Variants in TTC39B observed in about 807,000 individuals in gnomAD.
The protein encoded by TTC39B is tetratricopeptide repeat domain 39B.
Under a neutral mutation model 96.6 loss-of-function variants are expected in TTC39B, and 92 were observed. The observed-to-expected ratio is 0.95, with a 90% CI of 0.80 to 1.13. The LOEUF (loss-of-function observed/expected upper bound fraction) is 1.13. Among genes scored for constraint, TTC39B ranks in the 50% most tolerant of loss-of-function variants. TTC39B has a pLI of 0.00. For missense variants in TTC39B, 955 were observed against 809.3 expected (o/e 1.18, Z -2.18); for synonymous variants, 367 against 299.4 (o/e 1.23, Z -2.33).
chr9:15,297,958 G>A (rs111571902), intron 1 of TTC39B, among the ~76,000 whole-genome samples: 2 of 152,166 alleles, frequency 1.3e-5, no homozygotes, highest in Non-Finnish European at 2.9e-5. Flanking sequence ...GTATGTCTGG[G>A]AGAGTGTTTC....
rs1320971802 is a variant in TTC39B at position 15,306,533 on chromosome 9, CT to C, written c.240+550del. On this transcript the variant is annotated intron_variant, in intron 1 of 19. Coordinates refer to ENST00000512701, the Ensembl canonical transcript of TTC39B. This position sits in a 1 kb window ranked among gnomAD's most constrained non-coding sequence, Gnocchi z 5.1. ...GGCTCTAGCCCTCCAGCCCCAGCCC[CT>C]GGCAGCCCTGCCCTGCTGTCGCGGC... is the stretch of plus-strand genomic sequence containing the variant. Among the ~76,000 whole-genome samples the C allele has an allele frequency of 1.3e-5, 2 of 152,234 alleles. No homozygotes were observed. Among genetic ancestry groups the C allele is most frequent in the Non-Finnish European group, 2.9e-5 (2 of 68,032 alleles).
chr9:15,256,950 C>G (rs1822772708), intron 2 of TTC39B, among the ~76,000 whole-genome samples: 1 of 152,134 alleles, frequency 6.6e-6, no homozygotes, highest in South Asian at 2.1e-4. Context: ...TTTAAGCAAG[C>G]AGTGACATCA....
chr9:15,292,359 T>C (rs1222933043), intron 1 of TTC39B, among the ~76,000 whole-genome samples: 4 of 152,188 alleles, frequency 2.6e-5, no homozygotes, highest in Non-Finnish European at 4.4e-5. Flanking sequence ...ACCTACATAT[T>C]TGTGGTGATG....
chr9:15,270,032 G>C (rs867720288), intron 1 of TTC39B, among the ~76,000 whole-genome samples: 10 of 152,048 alleles, frequency 6.6e-5, no homozygotes, highest in Admixed American at 6.5e-5. Context: ...AGCCAGGCAT[G>C]GTGGTGCATT....
At chr9:15,218,482 G>A (rs1188400258) in intron 3 of TTC39B, among the ~76,000 whole-genome samples, 2 of 151,990 alleles carry the variant, frequency 1.3e-5, no homozygotes, top group African/African-American at 4.8e-5. Flanking sequence ...CAAAAACTGT[G>A]GTGCTCAGCC....
chr9:15,191,358 A>G, intron 9 of TTC39B, 103 bp from the exon 10 acceptor site: 1 of 733,450 alleles, frequency 1.4e-6, no homozygotes, highest in Non-Finnish European at 2.2e-6. Context: ...AACATGAGAA[A>G]TTGGGAACAA....
rs1817988623 is a variant in TTC39B at position 15,177,210 on chromosome 9, G to A, written c.1841+487C>T. Among the ~76,000 whole-genome samples, 2 of 152,106 alleles carry A rather than the reference G, an allele frequency of 1.3e-5. 1 individual carries two copies. Among genetic ancestry groups the A allele is most frequent in the South Asian group, 4.2e-4 (2 of 4,812 alleles). On this transcript the variant is annotated intron_variant, in intron 18 of 19. Coordinates refer to ENST00000512701, the Ensembl canonical transcript of TTC39B. ...AAGCCAGGCATAGTAGTGCACACTT[G>A]TAGTCCCAGCTACTCAAGAGGCTAA...
At chr9:15,299,520 C>A (rs1380432534) in intron 1 of TTC39B, among the ~76,000 whole-genome samples, 1 of 152,044 alleles carries the variant, frequency 6.6e-6, no homozygotes, top group Non-Finnish European at 1.5e-5. Flanking sequence ...CACAGATCCA[C>A]GAAGCACAGG....
At chr9:15,304,979 G>A (rs1038879813) in intron 1 of TTC39B, among the ~76,000 whole-genome samples, 32 of 152,184 alleles carry the variant, frequency 2.1e-4, no homozygotes, top group Non-Finnish European at 2.4e-4. Flanking sequence ...AACTCCCCCA[G>A]AATATCAAAT....
rs769302939 is a variant in TTC39B, at chr9:15,192,642, A to C, written c.878T>G (p.Phe293Cys). The C allele has an allele frequency of 1.9e-6, 3 of 1,614,058 alleles. No individual in the cohort carries two copies. The South Asian group carries it at 3.3e-5, about 18-fold the overall frequency. The change falls in exon 9 of 20, where the codon TTC (phenylalanine) becomes TGC (cysteine). Residue 293 changes from phenylalanine (F) to cysteine (C), a missense_variant. Phe to Cys is a radical substitution (Grantham distance 205). Transcript: ENST00000512701. Reference sequence around the variant, plus strand: ...GACACCCCCTTCAAACTCATAGAAGAATTCCTGCTGAAGTTTGTTCTTCTG... The same window carrying C: ...GACACCCCCTTCAAACTCATAGAAGCATTCCTGCTGAAGTTTGTTCTTCTG...
intron 8 of TTC39B, among the ~76,000 whole-genome samples, chr9:15,194,997 C>A (rs1324756156): frequency 6.6e-6 from 1 of 152,168 alleles, no homozygotes; most frequent in Admixed American, 6.5e-5. Context: ...CATTTGAAAT[C>A]AAAAACTAGA....
intron 1 of TTC39B, among the ~76,000 whole-genome samples, chr9:15,304,099 T>C (rs2131627562): frequency 6.6e-6 from 1 of 152,326 alleles, no homozygotes; most frequent in South Asian, 2.1e-4. Flanking sequence ...AATCCTTATA[T>C]TTGAGGGCCA....
Position 15,200,006 on chromosome 9 carries a change from A to G in TTC39B, c.760-81T>C, listed in dbSNP as rs953497455. The G allele has an allele frequency of 8.0e-5, 58 of 725,860 alleles. No homozygotes were observed. The African/African-American group carries it at 1.0e-3, about 12-fold the overall frequency. The allele number at this position is 725,860 out of a possible 1,614,324, so 45.0% of individuals were successfully genotyped here. On this transcript the variant is annotated intron_variant, in intron 7 of 19. Transcript: ENST00000512701. Reference sequence around the variant, plus strand: ...CCCACAGTTGTGTGTTTGTGTGATTAGAAAAACAAAAACAAACAAACAAAA... The same window carrying G: ...CCCACAGTTGTGTGTTTGTGTGATTGGAAAAACAAAAACAAACAAACAAAA...
At chr9:15,272,201 C>T (rs879881700) in intron 1 of TTC39B, among the ~76,000 whole-genome samples, 1 of 152,206 alleles carries the variant, frequency 6.6e-6, no homozygotes, top group African/African-American at 2.4e-5. Context: ...TTGGCACTGA[C>T]AGCTATTCCA....
chr9:15,261,825 C>G (rs1268939172), intron 2 of TTC39B, among the ~76,000 whole-genome samples: 1 of 152,170 alleles, frequency 6.6e-6, no homozygotes, highest in East Asian at 1.9e-4. Flanking sequence ...TAATTATCAA[C>G]AGATTTATTA....
intron 3 of TTC39B, 139 bp downstream of exon 3, chr9:15,225,778 G>T: frequency 1.9e-6 from 1 of 518,810 alleles, no homozygotes; most frequent in Non-Finnish European, 3.1e-6. Flanking sequence ...TATAAAATGG[G>T]CACTCTACTT....
intron 2 of TTC39B, chr9:15,248,945 G>T (rs1822406837): frequency 6.6e-6 from 1 of 151,968 alleles, no homozygotes; most frequent in Non-Finnish European, 1.5e-5. Context: ...AAAGTATTTT[G>T]ACTACTGATC....
At chr9:15,192,279 C>T (rs1818902241) in intron 9 of TTC39B, among the ~76,000 whole-genome samples, 1 of 152,222 alleles carries the variant, frequency 6.6e-6, no homozygotes, top group South Asian at 2.1e-4. Context: ...CCAGAGCCGT[C>T]ATTGTCATTG....
At chr9:15,275,552 G>A (rs994019553) in intron 1 of TTC39B, among the ~76,000 whole-genome samples, 11 of 152,328 alleles carry the variant, frequency 7.2e-5, no homozygotes, top group Admixed American at 1.3e-4. Flanking sequence ...TAGTGAAACT[G>A]CAGCAAAAGA....
Sources: gnomAD v4.1 joint callset for allele counts (sites outside exome capture counted in the v4.1 genomes callset) on GRCh38, gnomAD v4.1.1 for gene constraint, Gnocchi (gnomAD v3.1) non-coding constraint, MANE v1.5 for transcripts, NCBI Gene and HGNC (gene_info 2026-07-23, HGNC 2026-07-21) for gene names.